Variants in ITPR1 observed in about 807,000 individuals in gnomAD.
ITPR1 encodes inositol 1,4,5-trisphosphate receptor type 1, also known as inositol 1,4,5-trisphosphate-gated calcium channel ITPR1.
ITPR1 carries 96 observed loss-of-function variants against 318.4 expected under a neutral mutation model. The observed-to-expected ratio is 0.30, with a 90% CI of 0.26 to 0.36. ITPR1 has a LOEUF of 0.36. Ranked by LOEUF, ITPR1 falls within the 10% of genes least tolerant of loss-of-function variation. ITPR1 has a pLI of 1.00. For missense variants in ITPR1, 2,440 were observed against 3,460.2 expected, an observed-to-expected ratio of 0.71 and a Z score of 7.40; for synonymous variants, 1,312 against 1,289.9, an observed-to-expected ratio of 1.02 and a Z score of -0.37.
intron 18 of ITPR1, among the ~76,000 whole-genome samples, chr3:4,667,758 G>A (rs1023749276): frequency 6.6e-6 from 1 of 152,172 alleles, no homozygotes; most frequent in Non-Finnish European, 1.5e-5. Context: ...GTCCCACCTG[G>A]ATGAGCTTGG....
intron 5 of ITPR1, among the ~76,000 whole-genome samples, chr3:4,633,995 T>C (rs1357518453): frequency 6.6e-6 from 1 of 152,252 alleles, no homozygotes; most frequent in Non-Finnish European, 1.5e-5. Flanking sequence ...TAATAGTTTC[T>C]CTGTTGCTGA....
intron 4 of ITPR1, among the ~76,000 whole-genome samples, chr3:4,618,611 A>G (rs901292286): frequency 2.6e-5 from 4 of 152,146 alleles, no homozygotes; most frequent in Admixed American, 1.3e-4. Flanking sequence ...CTTTATTTGC[A>G]TAGCTCTTTT....
intron 5 of ITPR1, among the ~76,000 whole-genome samples, chr3:4,628,142 G>A (rs1256087259): frequency 1.3e-5 from 2 of 152,166 alleles, no homozygotes; most frequent in African/African-American, 4.8e-5. Context: ...ATGAGTACAG[G>A]CACTGGAAGC....
chr3:4,794,751 AC>A (rs1224600777), intron 52 of ITPR1, among the ~76,000 whole-genome samples: 1 of 152,052 alleles, frequency 6.6e-6, no homozygotes, highest in Non-Finnish European at 1.5e-5. Flanking sequence ...ACTCTGGATA[AC>A]CCCCAGATTC....
At chr3:4,800,813 G>A (rs2048180641) in intron 54 of ITPR1, among the ~76,000 whole-genome samples, 1 of 152,154 alleles carries the variant, frequency 6.6e-6, no homozygotes, top group South Asian at 2.1e-4. Flanking sequence ...GGATCCCTTG[G>A]GCATCAGCAC....
At chr3:4,648,252 C>A (rs1486844930) in intron 10 of ITPR1, among the ~76,000 whole-genome samples, 1 of 152,254 alleles carries the variant, frequency 6.6e-6, no homozygotes, top group East Asian at 1.9e-4. Context: ...AATTCCCACC[C>A]TCTATCCATT....
At chr3:4,639,342 A>C in intron 5 of ITPR1, 42 bp from the exon 6 acceptor site, 1 of 1,443,152 alleles carries the variant, frequency 6.9e-7, no homozygotes, top group Non-Finnish European at 9.5e-7. Flanking sequence ...GATAGAACAC[A>C]TGGTTTCCTC....
rs1222551311 is a variant in ITPR1, at chr3:4,516,552, G to A, written c.61G>A (p.Gly21Arg). The stretch of plus-strand genomic sequence containing the variant: ...AGACATTTGTTCTCTGTACGCGGAG[G>A]GATCGACAAATGGATTTATTAGCAC... ...IGDICSLYAE[G>R]STNGFISTLG... Residue 21 changes from glycine to arginine, a missense_variant, in exon 3 of 62, where the codon GGA (glycine) becomes AGA (arginine). Coordinates refer to ENST00000649015, the MANE Select transcript of ITPR1 (RefSeq NM_001378452.1). 2 of 1,604,672 alleles carry A rather than the reference G, an allele frequency of 1.2e-6. No homozygotes were observed. The highest frequency in any genetic ancestry group is 1.7e-6 in the Non-Finnish European group (2 of 1,175,894).
chr3:4,573,102 C>A (rs1165722190), intron 4 of ITPR1, among the ~76,000 whole-genome samples: 3 of 152,132 alleles, frequency 2.0e-5, no homozygotes, highest in Non-Finnish European at 2.9e-5. Context: ...TGGCTATATA[C>A]CAGAACCGGA....
chr3:4,553,017 A>G (rs1281619080), intron 4 of ITPR1, among the ~76,000 whole-genome samples: 1 of 152,224 alleles, frequency 6.6e-6, no homozygotes, highest in African/African-American at 2.4e-5. Flanking sequence ...CATCCCCAAC[A>G]CAAAGTGAAA....
At chr3:4,564,281 T>C (rs1217361913) in intron 4 of ITPR1, among the ~76,000 whole-genome samples, 1 of 152,204 alleles carries the variant, frequency 6.6e-6, no homozygotes, top group African/African-American at 2.4e-5. Context: ...AAATCCGTTA[T>C]GCCTCTTGCC....
intron 4 of ITPR1, among the ~76,000 whole-genome samples, chr3:4,591,062 C>CT (rs1349762785): frequency 1.3e-5 from 2 of 152,294 alleles, no homozygotes; most frequent in Admixed American, 6.5e-5. Context: ...TGATCTCATT[C>CT]TTTTTTATGG....
chr3:4,630,894 C>T (rs973608071), intron 5 of ITPR1, among the ~76,000 whole-genome samples: 2 of 152,078 alleles, frequency 1.3e-5, no homozygotes, highest in African/African-American at 2.4e-5. Flanking sequence ...GCCCTGTCAG[C>T]ATTATTTTTT....
At chr3:4,597,410 T>C (rs2090916743) in intron 4 of ITPR1, among the ~76,000 whole-genome samples, 1 of 152,162 alleles carries the variant, frequency 6.6e-6, no homozygotes, top group Admixed American at 6.5e-5. Context: ...TGGGTGTATG[T>C]AGATGATGAA....
chr3:4,813,976 G>A (rs2049110300), intron 57 of ITPR1, among the ~76,000 whole-genome samples: 1 of 152,218 alleles, frequency 6.6e-6, no homozygotes, highest in African/African-American at 2.4e-5. Flanking sequence ...ATGTAAAGCA[G>A]TTGATCCAGA....
intron 4 of ITPR1, among the ~76,000 whole-genome samples, chr3:4,521,341 G>A (rs1001273048): frequency 7.2e-5 from 11 of 152,064 alleles, no homozygotes; most frequent in Middle Eastern, 3.4e-3. Context: ...GTGCTAATTC[G>A]GTTTAAAGTC....
At chr3:4,683,360 C>T in intron 26 of ITPR1, 26 bp from the exon 27 acceptor site, 2 of 1,613,836 alleles carry the variant, frequency 1.2e-6, no homozygotes, top group South Asian at 1.1e-5. Context: ...ATTCATTTGG[C>T]CTTTCCCCAC....
chr3:4,691,373 C>G, intron 32 of ITPR1, 29 bp downstream of exon 32: 1 of 1,453,346 alleles, frequency 6.9e-7, no homozygotes, highest in Non-Finnish European at 9.6e-7. Context: ...TGTATACCTC[C>G]ATCTGGTGTT....
intron 61 of ITPR1, among the ~76,000 whole-genome samples, chr3:4,840,879 C>A (rs1199963007): frequency 6.6e-6 from 1 of 152,190 alleles, no homozygotes; most frequent in Non-Finnish European, 1.5e-5. Context: ...GGCTAACTTT[C>A]TTGAAAATAT....
Sources: allele counts gnomAD v4.1 joint callset (sites outside exome capture counted in the v4.1 genomes callset), GRCh38; gene constraint gnomAD v4.1.1; transcripts MANE v1.5; gene names NCBI Gene and HGNC (gene_info 2026-07-23, HGNC 2026-07-21).